The following ATP10B variants were observed in gnomAD, a reference collection of about 807,000 sequenced individuals.
The protein encoded by ATP10B is ATPase phospholipid transporting 10B (putative), also known as phospholipid-transporting ATPase VB.
A neutral mutation model predicts 141.2 loss-of-function variants in ATP10B; 122 were observed. That is an observed-to-expected ratio of 0.86 (90% CI 0.75 to 1.00). The LOEUF (loss-of-function observed/expected upper bound fraction) is 1.00. Among genes scored for constraint, ATP10B ranks in the 50% least tolerant of loss-of-function variants. The pLI is 0.00. For synonymous variants in ATP10B, 685 were observed against 692.0 expected (o/e 0.99, Z 0.16); for missense variants, 1,876 against 1,825.3 (o/e 1.03, Z -0.51).
chr5:160,881,201 T>G, the ATP10B span, among the ~76,000 whole-genome samples: 1 of 152,180 alleles, frequency 6.6e-6, no homozygotes, highest in Admixed American at 6.5e-5. Context: ...TTTTTCACAT[T>G]AAATGGCATC....
chr5:160,798,807 A>G (rs943658681), intron 1 of ATP10B, among the ~76,000 whole-genome samples: 28 of 144,048 alleles, frequency 1.9e-4, no homozygotes, highest in African/African-American at 1.3e-4. Context: ...CTGGAGTCCA[A>G]TGGTATGATC....
chr5:160,887,524 C>A, the ATP10B span, among the ~76,000 whole-genome samples: 2 of 152,128 alleles, frequency 1.3e-5, no homozygotes, highest in Non-Finnish European at 2.9e-5. Flanking sequence ...CTGACCAGAA[C>A]TCACAATTGG....
intron 21 of ATP10B, among the ~76,000 whole-genome samples, chr5:160,601,462 C>A (rs1757094004): frequency 6.6e-6 from 1 of 152,120 alleles, no homozygotes; most frequent in Non-Finnish European, 1.5e-5. Context: ...CTCTTTTGTT[C>A]CCTCCATTAG....
chr5:160,755,820 AAAAAAAAAAAAAAAAAAAATAT>A lies in ATP10B; in HGVS notation c.-331+29717_-331+29738del, dbSNP rs1232699289. ...ACAGAGCGAGACTCCGTCTCAAAAA[AAAAAAAAAAAAAAAAAAAATAT>A]ATATATATATATATATATATATATA... is the stretch of plus-strand genomic sequence containing the variant. On this transcript the variant is annotated intron_variant, in intron 2 of 25. Coordinates refer to ENST00000327245, the MANE Select transcript of ATP10B (RefSeq NM_025153.3). Among the ~76,000 whole-genome samples, 42 of 51,894 alleles carry A rather than the reference AAAAAAAAAAAAAAAAAAAATAT, an allele frequency of 8.1e-4. 1 individual carries two copies. Among genetic ancestry groups the A allele is most frequent in the East Asian group, 3.1e-3 (6 of 1,946 alleles). 34.0% of individuals were successfully genotyped at this position (51,894 alleles called of 152,430 possible).
rs188581429 is a variant in ATP10B at position 160,725,636 on chromosome 5, G to A, written c.-330-8602C>T. On this transcript the variant is annotated intron_variant, in intron 2 of 25. Coordinates refer to ENST00000327245, the MANE Select transcript of ATP10B (RefSeq NM_025153.3). ...GATTTTTTGTATTTTTAGTAGAGAC[G>A]GGGTTTCACCGTGTTAGCCAGGATG... 3.9e-3 allele frequency among the ~76,000 whole-genome samples: 598 copies of A among 152,160 alleles called. 2 individuals carry two copies. The highest frequency in any genetic ancestry group is 0.013 in the African/African-American group (531 of 41,512).
intron 23 of ATP10B, 75 bp downstream of exon 23, chr5:160,590,984 G>C: frequency 7.8e-7 from 1 of 1,282,986 alleles, no homozygotes; most frequent in Admixed American, 1.8e-5. Flanking sequence ...GGACACTACT[G>C]GTCTGGAACT....
intron 2 of ATP10B, among the ~76,000 whole-genome samples, chr5:160,751,777 C>T (rs1768168903): frequency 6.6e-6 from 1 of 152,080 alleles, no homozygotes; most frequent in Admixed American, 6.5e-5. Flanking sequence ...TGTGTGTGTG[C>T]ACAGTGTACT....
At chr5:160,699,707 C>T (rs1764568784) in intron 3 of ATP10B, among the ~76,000 whole-genome samples, 1 of 151,798 alleles carries the variant, frequency 6.6e-6, no homozygotes, top group African/African-American at 2.4e-5. Context: ...TTTTAATCAG[C>T]ATTTGGGGTA....
At chr5:160,927,874 C>T in the ATP10B span, among the ~76,000 whole-genome samples, 1 of 152,216 alleles carries the variant, frequency 6.6e-6, no homozygotes, top group Non-Finnish European at 1.5e-5. Flanking sequence ...ATTTTAGATG[C>T]TGTGATCTGG....
At chr5:160,802,129 G>T (rs1478802371) in intron 1 of ATP10B, among the ~76,000 whole-genome samples, 1 of 152,024 alleles carries the variant, frequency 6.6e-6, no homozygotes, top group Non-Finnish European at 1.5e-5. Context: ...CTCTGGAAAT[G>T]GTTAATACCA....
At chr5:160,868,790 G>A in the ATP10B span, among the ~76,000 whole-genome samples, 1 of 152,064 alleles carries the variant, frequency 6.6e-6, no homozygotes, top group South Asian at 2.1e-4. Context: ...GGAGGGTCCT[G>A]GAATTCATTA....
the ATP10B span, among the ~76,000 whole-genome samples, chr5:160,896,661 T>C: frequency 3.9e-5 from 6 of 151,904 alleles, no homozygotes; most frequent in Non-Finnish European, 7.4e-5. Flanking sequence ...ATCCAAACAA[T>C]AGAAAAAGAG....
chr5:160,607,118 A>C (rs985972099), intron 18 of ATP10B, 32 bp from the exon 19 acceptor site: 1 of 1,566,814 alleles, frequency 6.4e-7, no homozygotes, highest in Non-Finnish European at 8.7e-7. Flanking sequence ...CAGTATTTGT[A>C]AGCAACCTTG....
chr5:160,731,498 C>T (rs1581430059), intron 2 of ATP10B, among the ~76,000 whole-genome samples: 4 of 152,302 alleles, frequency 2.6e-5, no homozygotes, highest in Admixed American at 2.0e-4. Flanking sequence ...CCCCTAATAT[C>T]TAGTTGTAGA....
chr5:160,774,227 C>T (rs908495147), intron 2 of ATP10B, among the ~76,000 whole-genome samples: 8 of 152,258 alleles, frequency 5.3e-5, no homozygotes, highest in Non-Finnish European at 7.4e-5. Context: ...CTGGAGGTCC[C>T]GGCAACTTAA....
chr5:160,864,461 C>T, the ATP10B span, among the ~76,000 whole-genome samples: 1 of 152,016 alleles, frequency 6.6e-6, no homozygotes, highest in East Asian at 1.9e-4. Context: ...ATGACAAACC[C>T]ACAGCCAGCA....
rs762326560 is a variant in ATP10B, at chr5:160,686,110, T to C, written c.439A>G (p.Ile147Val). ...DFKRHRFDKA[I>V]NCSNIRIYER... is the part of the protein sequence containing the mutation. ...TAAATTCGAATGTTGGAGCAGTTTA[T>C]TGCTTTATCAAAGCGGTGTCTCTTG... Residue 147 changes from isoleucine to valine, a missense_variant, in exon 6 of 26, where the codon ATA (isoleucine) becomes GTA (valine). Ile to Val is a conservative substitution (Grantham distance 29). Transcript: ENST00000327245. 1.3e-6 allele frequency: 2 copies of C among 1,597,276 alleles called. No individual in the cohort carries two copies. The highest frequency in any genetic ancestry group is 2.3e-5 in the South Asian group (2 of 88,434).
intron 1 of ATP10B, among the ~76,000 whole-genome samples, chr5:160,825,178 C>CCTAG (rs1165815203): frequency 6.6e-6 from 1 of 152,174 alleles, no homozygotes; most frequent in African/African-American, 2.4e-5. Context: ...GTTCCAAGGA[C>CCTAG]CTAGCACATG....
chr5:160,814,537 C>T (rs56819261), intron 1 of ATP10B, among the ~76,000 whole-genome samples: 37,242 of 131,636 alleles, frequency 0.28, 6,914 homozygotes, highest in East Asian at 0.39. Context: ...ACGGGGAGAA[C>T]GGACCCAAGT....
Sources: allele counts gnomAD v4.1 joint callset (sites outside exome capture counted in the v4.1 genomes callset), GRCh38; gene constraint gnomAD v4.1.1; transcripts MANE v1.5; gene names NCBI Gene and HGNC (gene_info 2026-07-23, HGNC 2026-07-21).